PRPF19: variants seen among roughly 807,000 people sequenced by gnomAD.
The protein encoded by PRPF19 is pre-mRNA-processing factor 19.
A neutral mutation model predicts 64.2 loss-of-function variants in PRPF19; 2 were observed. That is an observed-to-expected ratio of 0.03 (90% confidence interval 0.01 to 0.10). The LOEUF (loss-of-function observed/expected upper bound fraction) is 0.10. Among genes scored for constraint, PRPF19 ranks in the 10% least tolerant of loss-of-function variants. The pLI, the probability that PRPF19 is intolerant of heterozygous loss-of-function variation, is 1.00. For missense variants in PRPF19, 314 were observed against 650.0 expected, an observed-to-expected ratio of 0.48 and a Z score of 5.62; for synonymous variants, 226 against 251.6, an observed-to-expected ratio of 0.90 and a Z score of 0.96.
intron 6 of PRPF19, 77 bp from the exon 7 acceptor site, chr11:60,901,617 G>A: frequency 2.6e-6 from 4 of 1,536,742 alleles, no homozygotes; most frequent in Non-Finnish European, 3.6e-6. Flanking sequence ...TCACACCTGT[G>A]CTTTCAAAAG....
At chr11:60,900,744 T>C in intron 9 of PRPF19, 53 bp from the exon 10 acceptor site, 2 of 1,569,102 alleles carry the variant, frequency 1.3e-6, no homozygotes, top group Non-Finnish European at 1.7e-6. Flanking sequence ...CCAGGCCCTT[T>C]TGCTCAAGGA....
rs1855946921 is a variant in PRPF19 at position 60,898,637 on chromosome 11, G to A, written c.1055-11C>T. ...GTGCACAGGTGAGAGCTGTGGAGGA[G>A]GGAAGAGAGACCTGTGGTCAGAGCC... On this transcript the variant is annotated splice_polypyrimidine_tract_variant and intron_variant, in intron 12 of 15. Coordinates refer to ENST00000227524, the MANE Select transcript of PRPF19 (RefSeq NM_014502.5). The surrounding 1 kb of genome is among the most constrained non-coding windows in gnomAD (Gnocchi z 4.6). The A allele has an allele frequency of 2.5e-6, 4 of 1,614,072 alleles. No homozygotes were observed. In the South Asian group the frequency reaches 4.4e-5, roughly 18 times the overall value.
chr11:60,902,428 C>T lies in PRPF19; in HGVS notation c.500G>A (p.Gly167Glu). Residue 167 changes from glycine (G) to glutamate (E), a missense_variant, in exon 6 of 16, where the codon GGA (glycine) becomes GAA (glutamate). Physicochemically the swap from Gly to Glu is moderately conservative, Grantham distance 98. Around this residue, in one of 7 missense-constraint regions of PRPF19, gnomAD observed 175 missense variants for 342.9 expected, o/e 0.51. Coordinates refer to ENST00000227524, the MANE Select transcript of PRPF19 (RefSeq NM_014502.5). This position sits in a 1 kb window ranked among gnomAD's most constrained non-coding sequence, Gnocchi z 5.0. ...CTTCTGAATAATCTCTGGGGTCATT[C>T]CCACCAGCTCACCCAAATCCATTGG... ...GEPMDLGELV[G>E]MTPEIIQKLQ... is the part of the protein sequence containing the mutation. 2.5e-6 allele frequency: 4 copies of T among 1,614,108 alleles called. No homozygotes were observed. Among genetic ancestry groups the T allele is most frequent in the Non-Finnish European group, 3.4e-6 (4 of 1,180,008 alleles).
At chr11:60,900,997 C>T in intron 8 of PRPF19, 68 bp from the exon 9 acceptor site, 2 of 1,535,646 alleles carry the variant, frequency 1.3e-6, no homozygotes, top group Non-Finnish European at 1.8e-6. Context: ...CACAGACCTC[C>T]CCTACTGCCA....
Position 60,898,276 on chromosome 11 carries a change from A to G in PRPF19, c.1141-5T>C. ...GTTGGCCACATTAGTACGTTCCTAC[A>G]GTGGCGGTGGGTAGTAAAATACGTC... On this transcript the variant is annotated splice_region_variant and splice_polypyrimidine_tract_variant and intron_variant, in intron 13 of 15. Transcript: ENST00000227524. This position sits in a 1 kb window ranked among gnomAD's most constrained non-coding sequence, Gnocchi z 4.6. 6.2e-7 allele frequency: 1 copy of G among 1,612,822 alleles called. No homozygotes were observed. The highest frequency in any genetic ancestry group is 8.5e-7 in the Non-Finnish European group (1 of 1,179,778).
chr11:60,891,691 G>A (rs1855860408), intron 15 of PRPF19, among the ~76,000 whole-genome samples: 1 of 152,210 alleles, frequency 6.6e-6, no homozygotes, highest in South Asian at 2.1e-4. Context: ...AGAGGCAGAT[G>A]AGGCTGGGCA....
Position 60,890,702 on chromosome 11 carries a change from G to A in PRPF19, c.*464C>T, listed in dbSNP as rs1401834487. 5 of 455,434 alleles carry A rather than the reference G, an allele frequency of 1.1e-5. No homozygotes were observed. The highest frequency in any genetic ancestry group is 4.0e-5 in the African/African-American group (2 of 49,990). 28.2% of individuals were successfully genotyped at this position (455,434 alleles called of 1,614,324 possible). A position where few individuals can be genotyped will look rare whatever the true frequency, so the allele number is the denominator to read the frequency against. ...CTTCCCAGTCCCAGGTGCTCCTGGT[G>A]CAGACAGACACGGGGAGGTGGTTAT... On this transcript the variant is annotated 3_prime_UTR_variant, in exon 16 of 16. Coordinates refer to ENST00000227524, the MANE Select transcript of PRPF19 (RefSeq NM_014502.5).
At chr11:60,899,080 T>C in intron 11 of PRPF19, 69 bp downstream of exon 11, 1 of 1,541,080 alleles carries the variant, frequency 6.5e-7, no homozygotes. Context: ...TGGGAAGATG[T>C]TCCTGCCACC....
chr11:60,900,485 C>T (rs1168492136), intron 10 of PRPF19, 97 bp downstream of exon 10: 1 of 1,018,720 alleles, frequency 9.8e-7, no homozygotes, highest in Non-Finnish European at 1.4e-6. Context: ...AGAGTCAGAG[C>T]TCTTTCCCAG....
intron 15 of PRPF19, chr11:60,897,544 C>T (rs574600728): frequency 1.1e-5 from 3 of 266,060 alleles, no homozygotes; most frequent in African/African-American, 6.7e-5. Context: ...AATGGCTCTC[C>T]TCCTGTCACT....
In PRPF19 at chr11:60,906,514, G is replaced by A. The variant is rs1856050578; in HGVS notation, c.-132C>T. 1 of 973,646 alleles carries A rather than the reference G, an allele frequency of 1.0e-6. No homozygotes were observed. Among genetic ancestry groups the A allele is most frequent in the Non-Finnish European group, 1.5e-6 (1 of 663,310 alleles). 60.3% of individuals were successfully genotyped at this position (973,646 alleles called of 1,614,324 possible). A position where few individuals can be genotyped will look rare whatever the true frequency, so the allele number is the denominator to read the frequency against. Reference sequence around the variant, plus strand: ...GCGAGCTGGGAGCCGCCAGCCGAGCGATGCTAGCGTAGCGCTTCACGTGGG... The same window carrying A: ...GCGAGCTGGGAGCCGCCAGCCGAGCAATGCTAGCGTAGCGCTTCACGTGGG... On this transcript the variant is annotated 5_prime_UTR_variant, in exon 1 of 16. Coordinates refer to ENST00000227524, the MANE Select transcript of PRPF19 (RefSeq NM_014502.5).
chr11:60,903,953 C>T lies in PRPF19; in HGVS notation c.20-92G>A. On this transcript the variant is annotated intron_variant, in intron 1 of 15. Transcript: ENST00000227524. The stretch of plus-strand genomic sequence containing the variant: ...TGCTATTAGCCCCAACAAGACTAGG[C>T]ATCCTCACACTCAACTAGCAGAAAG... 5 of 1,450,284 alleles carry T rather than the reference C, an allele frequency of 3.4e-6. No individual in the cohort carries two copies. The South Asian group carries it at 6.3e-5, about 18-fold the overall frequency. 89.8% of individuals were successfully genotyped at this position (1,450,284 alleles called of 1,614,324 possible).
chr11:60,892,449 A>G (rs1855871425), intron 15 of PRPF19, among the ~76,000 whole-genome samples: 1 of 152,200 alleles, frequency 6.6e-6, no homozygotes, highest in Non-Finnish European at 1.5e-5. Context: ...CTATGTATTC[A>G]CAGACGGTCC....
chr11:60,895,943 C>T (rs1446278325), intron 15 of PRPF19, among the ~76,000 whole-genome samples: 1 of 152,098 alleles, frequency 6.6e-6, no homozygotes. Context: ...TGCCCCCCCG[C>T]CCAACAATTA....
Position 60,898,838 on chromosome 11 carries a change from C to T in PRPF19, c.1054+24G>A. On this transcript the variant is annotated intron_variant, in intron 12 of 15. Transcript: ENST00000227524. The surrounding 1 kb of genome is among the most constrained non-coding windows in gnomAD (Gnocchi z 4.6). ...AAATAATAAACAGCAAACAAAAAAGCTGAGTGCCTATGAGGCAACTTACAG... is the reference window on the plus strand; with the variant it reads ...AAATAATAAACAGCAAACAAAAAAGTTGAGTGCCTATGAGGCAACTTACAG... 6.4e-7 allele frequency: 1 copy of T among 1,561,582 alleles called. No individual in the cohort carries two copies. The highest frequency in any genetic ancestry group is 8.7e-7 in the Non-Finnish European group (1 of 1,153,268).
At position 60,891,104 on chromosome 11, in the gene PRPF19, C is replaced by A. The variant is rs1234734163; in HGVS notation, c.*62G>T. 1.4e-5 allele frequency: 8 copies of A among 565,782 alleles called. No individual in the cohort carries two copies. Among genetic ancestry groups the A allele is most frequent in the South Asian group, 5.2e-5 (3 of 58,250 alleles). The allele number at this position is 565,782 out of a possible 1,614,324, so 35.0% of individuals were successfully genotyped here. A position where few individuals can be genotyped will look rare whatever the true frequency, so the allele number is the denominator to read the frequency against. ...CCATAGATTCCCCCCACCCCCCCCC[C>A]CAAACCCTAATTCTACCCCTCTACT... On this transcript the variant is annotated 3_prime_UTR_variant, in exon 16 of 16. Transcript: ENST00000227524.
chr11:60,906,247 C>G, intron 1 of PRPF19, 117 bp downstream of exon 1: 2 of 1,416,330 alleles, frequency 1.4e-6, no homozygotes, highest in Non-Finnish European at 1.8e-6. Context: ...GCCGCTCGGC[C>G]TCCGGAGCGC....
intron 15 of PRPF19, among the ~76,000 whole-genome samples, chr11:60,891,555 A>G (rs1855858854): frequency 6.6e-6 from 1 of 152,164 alleles, no homozygotes; most frequent in Non-Finnish European, 1.5e-5. Flanking sequence ...AAAACCTCAG[A>G]GCTCAGCTTG....
chr11:60,891,197 A>G lies in PRPF19; in HGVS notation c.1484T>C (p.Met495Thr). 5.0e-6 allele frequency: 8 copies of G among 1,611,406 alleles called. No individual in the cohort carries two copies. The highest frequency in any genetic ancestry group is 5.1e-6 in the Non-Finnish European group (6 of 1,179,248). ...HHAKFIASTG[M>T]DRSLKFYSL Reference sequence around the variant, plus strand: ...GCTGTAGAACTTGAGGCTTCTGTCCATGCCTGTTGAAGCGATGAACTTGGC... The same window carrying G: ...GCTGTAGAACTTGAGGCTTCTGTCCGTGCCTGTTGAAGCGATGAACTTGGC... Residue 495 changes from methionine (M) to threonine (T), a missense_variant, in exon 16 of 16, where the codon ATG (methionine) becomes ACG (threonine). Coordinates refer to ENST00000227524, the MANE Select transcript of PRPF19 (RefSeq NM_014502.5).
Sources: allele counts gnomAD v4.1 joint callset (sites outside exome capture counted in the v4.1 genomes callset), GRCh38; gene constraint gnomAD v4.1.1; regional missense constraint gnomAD v4.1.1; non-coding constraint Gnocchi (gnomAD v3.1); transcripts MANE v1.5; gene names NCBI Gene and HGNC (gene_info 2026-07-23, HGNC 2026-07-21).